DCDC2: variants seen among roughly 807,000 people sequenced by gnomAD.
DCDC2 encodes doublecortin domain containing 2, also known as doublecortin domain-containing protein 2.
A neutral mutation model predicts 50.2 loss-of-function variants in DCDC2; 40 were observed. The ratio of observed to expected loss-of-function variants is 0.80; its 90% CI spans 0.62 to 1.04. The LOEUF is 1.04. Among genes scored for constraint, DCDC2 ranks in the 50% least tolerant of loss-of-function variants. DCDC2 has a pLI of 0.00. For synonymous variants in DCDC2, 234 were observed against 210.6 expected, an observed-to-expected ratio of 1.11 and a Z score of -0.96; for missense variants, 570 against 581.9, an observed-to-expected ratio of 0.98 and a Z score of 0.21.
intron 7 of DCDC2, among the ~76,000 whole-genome samples, chr6:24,250,691 A>C (rs1169546585): frequency 6.6e-6 from 1 of 152,130 alleles, no homozygotes; most frequent in Non-Finnish European, 1.5e-5. Flanking sequence ...ATTATTCTGC[A>C]AAGTGTCATT....
At position 24,353,580 on chromosome 6, in the gene DCDC2, CA is replaced by C. The variant is rs760593608; in HGVS notation, c.336del (p.Val113LeufsTer5). 7.6e-6 allele frequency: 12 copies of C among 1,584,318 alleles called. No homozygotes were observed. ...AATATTTGCATTACCTCTGTATTAA[CA>C]ACTTCCATTGGTCTTTTCTTGATTT... ...IGEIKKRPME[V>X]VNTEVKPVIH... On this transcript the variant is annotated frameshift_variant, in exon 2 of 10. Transcript: ENST00000378454. LOFTEE classifies it high-confidence loss of function.
At chr6:24,239,430 CTG>C in intron 7 of DCDC2, among the ~76,000 whole-genome samples, 1 of 152,308 alleles carries the variant, frequency 6.6e-6, no homozygotes, top group Non-Finnish European at 1.5e-5. Context: ...CTGATTCACT[CTG>C]TGATAGGCAC....
At chr6:24,361,255 G>T (rs1760661484), upstream of DCDC2, among the ~76,000 whole-genome samples, 5 of 152,104 alleles carry the variant, frequency 3.3e-5, no homozygotes, top group Admixed American at 3.3e-4. Context: ...GGGAACAACA[G>T]ATACTGGGGC....
chr6:24,381,799 AAAGAAAGG>A, the DCDC2 span, among the ~76,000 whole-genome samples: 40 of 88,214 alleles, frequency 4.5e-4, no homozygotes, highest in African/African-American at 1.3e-3. Flanking sequence ...GAAAGGAAGG[AAAGAAAGG>A]AAGGAAGGAA....
chr6:24,349,522 A>G (rs1581665164), intron 2 of DCDC2, among the ~76,000 whole-genome samples: 1 of 152,324 alleles, frequency 6.6e-6, no homozygotes, highest in East Asian at 1.9e-4. Flanking sequence ...AGAGGTCTCC[A>G]ACTGCATGAG....
chr6:24,289,870 A>C (rs1763701014), intron 5 of DCDC2, among the ~76,000 whole-genome samples: 1 of 149,864 alleles, frequency 6.7e-6, no homozygotes, highest in African/African-American at 2.4e-5. Flanking sequence ...TTTTTTTTGC[A>C]ATGGCAAGGT....
In DCDC2 at chr6:24,287,915, T is replaced by C. The variant is rs149453730; in HGVS notation, c.759+937A>G. Reference sequence around the variant, plus strand: ...TTGAGGGCAAGAGCTCTATTGATTTTTATTTTATTTTTGTCATAATAGTAT... The same window carrying C: ...TTGAGGGCAAGAGCTCTATTGATTTCTATTTTATTTTTGTCATAATAGTAT... On this transcript the variant is annotated intron_variant, in intron 6 of 9. Coordinates refer to ENST00000378454, the MANE Select transcript of DCDC2 (RefSeq NM_016356.5). Among the ~76,000 whole-genome samples the C allele has an allele frequency of 2.2e-3, 340 of 152,364 alleles. 1 individual carries two copies. Among genetic ancestry groups the C allele is most frequent in the African/African-American group, 6.2e-3 (257 of 41,582 alleles).
At chr6:24,175,695 T>G (rs1041509416) in intron 9 of DCDC2, among the ~76,000 whole-genome samples, 2 of 152,234 alleles carry the variant, frequency 1.3e-5, no homozygotes, top group African/African-American at 4.8e-5. Flanking sequence ...TTGTAAATTC[T>G]CTGTATTTCC....
At chr6:24,373,909 TC>T in the DCDC2 span, among the ~76,000 whole-genome samples, 2 of 151,712 alleles carry the variant, frequency 1.3e-5, no homozygotes, top group Non-Finnish European at 2.9e-5. Flanking sequence ...ACGCCTGTAA[TC>T]CCAGCACTTT....
At chr6:24,181,887 GA>G (rs1257953745) in intron 8 of DCDC2, among the ~76,000 whole-genome samples, 2 of 152,162 alleles carry the variant, frequency 1.3e-5, no homozygotes, top group African/African-American at 4.8e-5. Flanking sequence ...CAAAGATGGA[GA>G]ATTCCCACTT....
intron 7 of DCDC2, among the ~76,000 whole-genome samples, chr6:24,228,760 A>C (rs1762283955): frequency 6.6e-6 from 1 of 152,178 alleles, no homozygotes; most frequent in Non-Finnish European, 1.5e-5. Context: ...TGATGGAATA[A>C]TCACATCTTG....
chr6:24,273,644 C>T (rs1561753196), intron 7 of DCDC2, among the ~76,000 whole-genome samples: 1 of 152,132 alleles, frequency 6.6e-6, no homozygotes, highest in Non-Finnish European at 1.5e-5. Flanking sequence ...CATGTGCTTC[C>T]GGTTTTGTCT....
chr6:24,284,296 G>A (rs1298206507), intron 6 of DCDC2, among the ~76,000 whole-genome samples: 1 of 152,016 alleles, frequency 6.6e-6, no homozygotes, highest in African/African-American at 2.4e-5. Context: ...AGATACCACA[G>A]CCAGAATGAG....
At chr6:24,369,070 G>C in the DCDC2 span, among the ~76,000 whole-genome samples, 1 of 145,162 alleles carries the variant, frequency 6.9e-6, no homozygotes, top group African/African-American at 2.6e-5. Context: ...GGAGGTGGAG[G>C]TTGCAGTGAG....
At chr6:24,214,725 C>G (rs1307642657) in intron 7 of DCDC2, among the ~76,000 whole-genome samples, 4 of 152,144 alleles carry the variant, frequency 2.6e-5, no homozygotes, top group Non-Finnish European at 5.9e-5. Context: ...CTTGCAGTTA[C>G]TTATTTGGCC....
In DCDC2 at chr6:24,256,347, TTA is replaced by T. The variant is rs556522905; in HGVS notation, c.922+21700_922+21701del. ...CATCTGTGGACATTCATAAAAATAC[TTA>T]TGATTTAAGCACTCTTTTGTATGTA... On this transcript the variant is annotated intron_variant, in intron 7 of 9. Coordinates refer to ENST00000378454, the MANE Select transcript of DCDC2 (RefSeq NM_016356.5). 1.7e-3 allele frequency among the ~76,000 whole-genome samples: 255 copies of T among 151,956 alleles called. 1 individual carries two copies. The highest frequency in any genetic ancestry group is 0.01 in the Middle Eastern group (3 of 294).
chr6:24,258,503 G>GTGCATTT (rs1302902731), intron 7 of DCDC2, among the ~76,000 whole-genome samples: 1 of 152,100 alleles, frequency 6.6e-6, no homozygotes, highest in Non-Finnish European at 1.5e-5. Flanking sequence ...CTGCTGATTG[G>GTGCATTT]TGCATTTTGC....
rs1354497116 is a variant in DCDC2, at chr6:24,309,281, C to A, written c.349-7237G>T. On this transcript the variant is annotated intron_variant, in intron 2 of 9. Coordinates refer to ENST00000378454, the MANE Select transcript of DCDC2 (RefSeq NM_016356.5). The stretch of plus-strand genomic sequence containing the variant: ...CAGAGGTTGCAGTGAGACGAGATCA[C>A]GCCATTGCACTCCAGCCCGGGCGAC... 4.1e-5 allele frequency among the ~76,000 whole-genome samples: 6 copies of A among 145,880 alleles called. No individual in the cohort carries two copies. The East Asian group carries it at 1.0e-3, about 25-fold the overall frequency.
chr6:24,240,144 TA>T (rs1762534429), intron 7 of DCDC2, among the ~76,000 whole-genome samples: 1 of 152,180 alleles, frequency 6.6e-6, no homozygotes, highest in Admixed American at 6.5e-5. Flanking sequence ...ACACTGAGAT[TA>T]ACCAATTAGA....
Sources: allele counts gnomAD v4.1 joint callset (sites outside exome capture counted in the v4.1 genomes callset), GRCh38; gene constraint gnomAD v4.1.1; transcripts MANE v1.5; gene names NCBI Gene and HGNC (gene_info 2026-07-23, HGNC 2026-07-21).